ZNF316: variants seen among roughly 807,000 people sequenced by gnomAD.
ZNF316 encodes zinc finger protein 316.
A neutral mutation model predicts 75.6 loss-of-function variants in ZNF316; 23 were observed. That is an observed-to-expected ratio of 0.30 (90% CI 0.22 to 0.43). The LOEUF is 0.43. Among genes scored for constraint, ZNF316 ranks in the 20% least tolerant of loss-of-function variants. ZNF316 has a pLI of 1.00. For missense variants in ZNF316, 1,266 were observed against 1,409.4 expected (o/e 0.90, Z 1.63); for synonymous variants, 827 against 666.2 (o/e 1.24, Z -3.72).
Position 6,653,612 on chromosome 7 carries a change from C to T in ZNF316, c.2016C>T (p.Ile672=), listed in dbSNP as rs1320154176. 3 of 1,061,732 alleles carry T rather than the reference C, an allele frequency of 2.8e-6. No individual in the cohort carries two copies. Among genetic ancestry groups the T allele is most frequent in the African/African-American group, 1.7e-5 (1 of 58,044 alleles). 65.8% of individuals were successfully genotyped at this position (1,061,732 alleles called of 1,614,324 possible). A position where few individuals can be genotyped will look rare whatever the true frequency, so the allele number is the denominator to read the frequency against. ...GGGLRAFGPA[I]GGLLAEPAPA... ...GCCTGCGCGCGTTCGGGCCCGCCAT[C>T]GGGGGTCTGCTGGCGGAGCCCGCGC... Residue 672 remains isoleucine, a synonymous_variant, in exon 9 of 9, where the codon ATC becomes ATT. Coordinates refer to ENST00000382252, the MANE Select transcript of ZNF316 (RefSeq NM_001278559.2).
intron 8 of ZNF316, among the ~76,000 whole-genome samples, chr7:6,644,911 G>A (rs1779372593): frequency 6.6e-6 from 1 of 152,236 alleles, no homozygotes; most frequent in African/African-American, 2.4e-5. Flanking sequence ...AGCCCAGCAC[G>A]CCATCGCGGA....
chr7:6,639,884 T>G lies in ZNF316; in HGVS notation c.-167+743T>G, dbSNP rs1035954682. 2.0e-5 allele frequency among the ~76,000 whole-genome samples: 3 copies of G among 152,328 alleles called. No homozygotes were observed. Among genetic ancestry groups the G allele is most frequent in the Middle Eastern group, 6.8e-3 (2 of 294 alleles). ...ACGCAGCACGTGGATTTCGACACTTTGGGCATCTTCACACGCCAAAGAGCT... is the reference window on the plus strand; with the variant it reads ...ACGCAGCACGTGGATTTCGACACTTGGGGCATCTTCACACGCCAAAGAGCT... On this transcript the variant is annotated intron_variant, in intron 3 of 8. Coordinates refer to ENST00000382252, the MANE Select transcript of ZNF316 (RefSeq NM_001278559.2). The surrounding 1 kb of genome is among the most constrained non-coding windows in gnomAD (Gnocchi z 4.2).
intron 8 of ZNF316, among the ~76,000 whole-genome samples, chr7:6,649,326 G>A (rs1162992662): frequency 1.3e-5 from 2 of 152,176 alleles, no homozygotes; most frequent in Non-Finnish European, 1.5e-5. Context: ...GGGTTCTGGA[G>A]GAAGCAGGTG....
Position 6,642,499 on chromosome 7 carries a change from A to G in ZNF316, c.90A>G (p.Glu30=), listed in dbSNP as rs1261893576. 2.8e-5 allele frequency: 35 copies of G among 1,233,178 alleles called. No individual in the cohort carries two copies. Among genetic ancestry groups the G allele is most frequent in the Non-Finnish European group, 3.2e-5 (32 of 988,386 alleles). The allele number at this position is 1,233,178 out of a possible 1,614,324, so 76.4% of individuals were successfully genotyped here. The change falls in exon 5 of 9, where the codon GAA becomes GAG. Residue 30 remains glutamate, a synonymous_variant. Coordinates refer to ENST00000382252, the MANE Select transcript of ZNF316 (RefSeq NM_001278559.2). The surrounding 1 kb of genome is among the most constrained non-coding windows in gnomAD (Gnocchi z 8.1). ...CAGAGTGCGACCCTGACCAGGAAGAAGAGGAGGAGGAGGAGGAAAAGGGGG... is the reference window on the plus strand; with the variant it reads ...CAGAGTGCGACCCTGACCAGGAAGAGGAGGAGGAGGAGGAGGAAAAGGGGG... The part of the protein sequence containing the change: ...DGSECDPDQE[E]EEEEEEKGEE...
chr7:6,652,852 A>C lies in ZNF316; in HGVS notation c.1256A>C (p.His419Pro). 8.0e-7 allele frequency: 1 copy of C among 1,248,718 alleles called. No individual in the cohort carries two copies. Among genetic ancestry groups the C allele is most frequent in the Non-Finnish European group, 1.0e-6 (1 of 995,956 alleles). 77.4% of individuals were successfully genotyped at this position (1,248,718 alleles called of 1,614,324 possible). A position where few individuals can be genotyped will look rare whatever the true frequency, so the allele number is the denominator to read the frequency against. ...GTCTACAAGTCGCACCTGGTTACGC[A>C]CCGACGCATCCATACTGGCGAGCGG... Reference protein sequence around the residue: ...RFVYKSHLVTHRRIHTGERPY... With the variant: ...RFVYKSHLVTPRRIHTGERPY... The change falls in exon 9 of 9, where the codon CAC becomes CCC. Residue 419 changes from histidine (H) to proline (P), a missense_variant. His to Pro is a moderately conservative substitution (Grantham distance 77). Transcript: ENST00000382252.
In ZNF316 at chr7:6,637,444, C is replaced by G. The variant is rs1359220718; in HGVS notation, c.-434C>G. 1.4e-5 allele frequency: 2 copies of G among 146,540 alleles called. No individual in the cohort carries two copies. The highest frequency in any genetic ancestry group is 1.5e-5 in the Non-Finnish European group (1 of 65,768). 9.1% of individuals were successfully genotyped at this position (146,540 alleles called of 1,614,324 possible). On this transcript the variant is annotated 5_prime_UTR_variant, in exon 1 of 9. Coordinates refer to ENST00000382252, the MANE Select transcript of ZNF316 (RefSeq NM_001278559.2). This position sits in a 1 kb window ranked among gnomAD's most constrained non-coding sequence, Gnocchi z 6.2. ...CCCGTGGCTCGGCCAGCCCGGCCCG[C>G]GCGGTGAGTGGGTCTCGCGGGGCCG...
At chr7:6,651,035 A>G (rs1017992706) in intron 8 of ZNF316, among the ~76,000 whole-genome samples, 1 of 152,120 alleles carries the variant, frequency 6.6e-6, no homozygotes, top group Non-Finnish European at 1.5e-5. Context: ...GAGGGGCAGA[A>G]TGGGGGAAGC....
Position 6,654,628 on chromosome 7 carries a change from AGC to A in ZNF316, c.*18_*19del. On this transcript the variant is annotated 3_prime_UTR_variant, in exon 9 of 9. Transcript: ENST00000382252. The stretch of plus-strand genomic sequence containing the variant: ...GTCCTGTGAGGGGCCCGGGGCCGAC[AGC>A]AGCGCAGCCTGCAGGGCCACCGGCC... 1 of 1,181,564 alleles carries A rather than the reference AGC, an allele frequency of 8.5e-7. No individual in the cohort carries two copies. Among genetic ancestry groups the A allele is most frequent in the Non-Finnish European group, 1.0e-6 (1 of 955,530 alleles). 73.2% of individuals were successfully genotyped at this position (1,181,564 alleles called of 1,614,324 possible).
At position 6,653,125 on chromosome 7, in the gene ZNF316, C is replaced by T; in HGVS notation, c.1529C>T (p.Ala510Val). The T allele has an allele frequency of 1.7e-6, 2 of 1,167,076 alleles. No homozygotes were observed. The highest frequency in any genetic ancestry group is 2.1e-6 in the Non-Finnish European group (2 of 947,202). The allele number at this position is 1,167,076 out of a possible 1,614,324, so 72.3% of individuals were successfully genotyped here. Residue 510 changes from alanine (A) to valine (V), a missense_variant, in exon 9 of 9, where the codon GCG becomes GTG. This residue lies in a region of ZNF316 where 961 missense variants were observed against 990.9 expected (regional missense o/e 0.97). Coordinates refer to ENST00000382252, the MANE Select transcript of ZNF316 (RefSeq NM_001278559.2). ...CGCCACCGACGCGGCGGGGGCTGCG[C>T]GGAGGCGGGTGGTGACGGCCCCCGG... is the stretch of plus-strand genomic sequence containing the variant. Reference protein sequence around the residue: ...FQRHRRGGGCAEAGGDGPRRE... With the variant: ...FQRHRRGGGCVEAGGDGPRRE...
intron 2 of ZNF316, among the ~76,000 whole-genome samples, chr7:6,638,563 C>T (rs1217892856): frequency 1.3e-5 from 2 of 152,346 alleles, no homozygotes; most frequent in East Asian, 1.9e-4. Context: ...CCCTTCTCCT[C>T]TTGGGAGATA....
chr7:6,651,071 C>T (rs567434613), intron 8 of ZNF316, among the ~76,000 whole-genome samples: 7 of 152,244 alleles, frequency 4.6e-5, no homozygotes, highest in East Asian at 1.9e-4. Context: ...GCTGACAGGC[C>T]GGGCACGGTG....
At position 6,654,544 on chromosome 7, in the gene ZNF316, G is replaced by A. The variant is rs1779581972; in HGVS notation, c.2948G>A (p.Ser983Asn). ...CTGCTGGAGTTCGCGGGCGGCACAA[G>A]CTTCGGCTCCGAGCACCAGGCCGCG... ...SALLEFAGGT[S>N]FGSEHQAAFA... The change falls in exon 9 of 9, where the codon AGC becomes AAC. Residue 983 changes from serine (S) to asparagine (N), a missense_variant. This residue lies in a region of ZNF316 where 111 missense variants were observed against 99.2 expected (regional missense o/e 1.12). Coordinates refer to ENST00000382252, the MANE Select transcript of ZNF316 (RefSeq NM_001278559.2). The A allele has an allele frequency of 8.4e-7, 1 of 1,183,992 alleles. No individual in the cohort carries two copies. Among genetic ancestry groups the A allele is most frequent in the Non-Finnish European group, 1.0e-6 (1 of 957,226 alleles). 73.3% of individuals were successfully genotyped at this position (1,183,992 alleles called of 1,614,324 possible).
intron 8 of ZNF316, among the ~76,000 whole-genome samples, chr7:6,646,585 G>A (rs1562581006): frequency 6.6e-6 from 1 of 152,244 alleles, no homozygotes; most frequent in African/African-American, 2.4e-5. Context: ...GCGGATGGTC[G>A]TCGTGTTGGG....
rs911641510 is a variant in ZNF316, at chr7:6,643,962, C to A, written c.592+14C>A. ...TCGTGTCCTTGGGTAAGGACGGGAC[C>A]TTTTGTCCCCAAGAGGCAGCCTGGT... On this transcript the variant is annotated intron_variant, in intron 7 of 8. Transcript: ENST00000382252. 3 of 1,232,168 alleles carry A rather than the reference C, an allele frequency of 2.4e-6. No individual in the cohort carries two copies. The African/African-American group carries it at 4.7e-5, about 19-fold the overall frequency. 76.3% of individuals were successfully genotyped at this position (1,232,168 alleles called of 1,614,324 possible).
rs1045067290 is a variant in ZNF316, at chr7:6,654,675, C to A, written c.*64C>A. The A allele has an allele frequency of 3.9e-5, 44 of 1,139,234 alleles. No homozygotes were observed. The African/African-American group carries it at 5.8e-4, about 15-fold the overall frequency. The allele number at this position is 1,139,234 out of a possible 1,614,324, so 70.6% of individuals were successfully genotyped here. ...CCGGCCCCTCCCTTGGACGGCCGGC[C>A]CCCCGCTCCTCGGGCCCCGGGAGGC... is the stretch of plus-strand genomic sequence containing the variant. On this transcript the variant is annotated 3_prime_UTR_variant, in exon 9 of 9. Coordinates refer to ENST00000382252, the MANE Select transcript of ZNF316 (RefSeq NM_001278559.2).
chr7:6,637,444 C>T lies in ZNF316; in HGVS notation c.-434C>T, dbSNP rs1359220718. On this transcript the variant is annotated 5_prime_UTR_variant, in exon 1 of 9. Transcript: ENST00000382252. This position sits in a 1 kb window ranked among gnomAD's most constrained non-coding sequence, Gnocchi z 6.2. ...CCCGTGGCTCGGCCAGCCCGGCCCG[C>T]GCGGTGAGTGGGTCTCGCGGGGCCG... is the stretch of plus-strand genomic sequence containing the variant. 2 of 146,540 alleles carry T rather than the reference C, an allele frequency of 1.4e-5. No homozygotes were observed. The highest frequency in any genetic ancestry group is 1.4e-4 in the Admixed American group (2 of 14,762). The allele number at this position is 146,540 out of a possible 1,614,324, so 9.1% of individuals were successfully genotyped here.
At chr7:6,643,365 T>C (rs1323438939) in intron 6 of ZNF316, among the ~76,000 whole-genome samples, 13 of 152,244 alleles carry the variant, frequency 8.5e-5, no homozygotes, top group Non-Finnish European at 1.5e-5. Flanking sequence ...CCCCCAAGGC[T>C]GGCCCTCCCC....
chr7:6,643,713 G>A (rs370034754), intron 6 of ZNF316, 109 bp from the exon 7 acceptor site: 1 of 1,031,990 alleles, frequency 9.7e-7, no homozygotes. Flanking sequence ...TGCCATCTGG[G>A]CATCTGTGTC....
Position 6,642,231 on chromosome 7 carries a change from CCCGGT to C in ZNF316, c.-28-148_-28-144del, listed in dbSNP as rs1779322240. The C allele has an allele frequency of 1.5e-5, 6 of 403,916 alleles. No individual in the cohort carries two copies. The highest frequency in any genetic ancestry group is 6.3e-4 in the Middle Eastern group (1 of 1,600). 25.0% of individuals were successfully genotyped at this position (403,916 alleles called of 1,614,324 possible). A position where few individuals can be genotyped will look rare whatever the true frequency, so the allele number is the denominator to read the frequency against. On this transcript the variant is annotated intron_variant, in intron 4 of 8. Transcript: ENST00000382252. The surrounding 1 kb of genome is among the most constrained non-coding windows in gnomAD (Gnocchi z 8.1). The stretch of plus-strand genomic sequence containing the variant: ...GGTGCAGGGTAAGATCGTGGGAAGG[CCCGGT>C]CCTCCCTCATCTCCATTGCCTTCAA...
Sources: gnomAD v4.1 joint callset for allele counts (sites outside exome capture counted in the v4.1 genomes callset) on GRCh38, gnomAD v4.1.1 for gene constraint, gnomAD v4.1.1 regional missense constraint, Gnocchi (gnomAD v3.1) non-coding constraint, MANE v1.5 for transcripts, NCBI Gene and HGNC (gene_info 2026-07-23, HGNC 2026-07-21) for gene names.